The following STXBP6 variants were observed in gnomAD, a reference collection of about 807,000 sequenced individuals.
STXBP6 encodes syntaxin-binding protein 6.
In STXBP6, 21 loss-of-function variants were observed where a neutral mutation model predicts 26.9. The observed-to-expected ratio is 0.78, with a 90% CI of 0.55 to 1.12. The LOEUF (loss-of-function observed/expected upper bound fraction) is 1.12, where lower values mean the gene tolerates loss of function less well. STXBP6 is among the 50% of genes most tolerant of loss of function. The pLI, the probability that STXBP6 is intolerant of heterozygous loss-of-function variation, is 0.00. For synonymous variants in STXBP6, 97 were observed against 92.6 expected, an observed-to-expected ratio of 1.05 and a Z score of -0.27; for missense variants, 232 against 257.9, an observed-to-expected ratio of 0.90 and a Z score of 0.69.
intron 2 of STXBP6, among the ~76,000 whole-genome samples, chr14:24,884,093 TG>T (rs1244648015): frequency 2.0e-5 from 3 of 150,340 alleles, no homozygotes; most frequent in African/African-American, 4.9e-5. Flanking sequence ...AAAAAAAAGG[TG>T]GGGGGGCACA....
chr14:25,016,373 T>A (rs2075147530), intron 1 of STXBP6, among the ~76,000 whole-genome samples: 1 of 152,154 alleles, frequency 6.6e-6, no homozygotes, highest in Admixed American at 6.5e-5. Flanking sequence ...TTTGTGCTAA[T>A]CAGAAATGGT....
intron 2 of STXBP6, among the ~76,000 whole-genome samples, chr14:24,945,470 T>G (rs1026212737): frequency 1.3e-5 from 2 of 152,056 alleles, no homozygotes; most frequent in Non-Finnish European, 2.9e-5. Context: ...CTCAGGAGGC[T>G]GAGATGGGCA....
At chr14:24,897,922 C>A (rs999663254) in intron 2 of STXBP6, among the ~76,000 whole-genome samples, 7 of 152,106 alleles carry the variant, frequency 4.6e-5, no homozygotes, top group African/African-American at 1.4e-4. Flanking sequence ...GCCTCCTGGT[C>A]CCCTGAGTGT....
intron 4 of STXBP6, among the ~76,000 whole-genome samples, chr14:24,830,556 C>T (rs2068427160): frequency 6.6e-6 from 1 of 152,124 alleles, no homozygotes; most frequent in African/African-American, 2.4e-5. Context: ...GTCAGAAAAA[C>T]AAATTTTCTT....
intron 2 of STXBP6, among the ~76,000 whole-genome samples, chr14:24,971,588 T>C (rs1162385245): frequency 1.3e-5 from 2 of 152,184 alleles, no homozygotes; most frequent in Non-Finnish European, 2.9e-5. Context: ...AAAGAGGTCC[T>C]AGACTGAATA....
chr14:24,876,387 T>G (rs1595020908), intron 2 of STXBP6, among the ~76,000 whole-genome samples: 1 of 152,322 alleles, frequency 6.6e-6, no homozygotes, highest in East Asian at 1.9e-4. Context: ...AACTCCAAAC[T>G]TCCTCATCTT....
At chr14:24,985,403 C>T (rs1466137538) in intron 1 of STXBP6, among the ~76,000 whole-genome samples, 3 of 152,194 alleles carry the variant, frequency 2.0e-5, no homozygotes, top group South Asian at 2.1e-4. Flanking sequence ...TTGCAGGCTA[C>T]TTTCCAAACC....
intron 2 of STXBP6, among the ~76,000 whole-genome samples, chr14:24,889,862 A>G (rs2070730520): frequency 6.6e-6 from 1 of 152,232 alleles, no homozygotes; most frequent in Non-Finnish European, 1.5e-5. Flanking sequence ...AAATAACATA[A>G]TCTCTAAGAC....
At chr14:25,038,838 A>T (rs1268533077) in intron 1 of STXBP6, among the ~76,000 whole-genome samples, 2 of 152,310 alleles carry the variant, frequency 1.3e-5, no homozygotes, top group South Asian at 2.1e-4. Flanking sequence ...AAAGAAAAAA[A>T]AATAATGGTA....
At chr14:25,046,728 G>A (rs748340479) in intron 1 of STXBP6, among the ~76,000 whole-genome samples, 1 of 152,200 alleles carries the variant, frequency 6.6e-6, no homozygotes, top group Non-Finnish European at 1.5e-5. Flanking sequence ...CACAGTCTAG[G>A]TCATAGGAAG....
chr14:24,964,933 C>T (rs8021478), intron 2 of STXBP6, among the ~76,000 whole-genome samples: 42,917 of 152,078 alleles, frequency 0.28, 7,019 homozygotes, highest in African/African-American at 0.46. Context: ...CCAGTTCTAA[C>T]TCCCTGTGAA....
chr14:24,880,204 A>G (rs140841654), intron 2 of STXBP6, among the ~76,000 whole-genome samples: 34 of 152,336 alleles, frequency 2.2e-4, no homozygotes, highest in Non-Finnish European at 3.2e-4. Context: ...ATTGTTCACA[A>G]TATTCCCCAG....
At chr14:24,924,907 T>C (rs1301314457) in intron 2 of STXBP6, among the ~76,000 whole-genome samples, 1 of 152,220 alleles carries the variant, frequency 6.6e-6, no homozygotes, top group Non-Finnish European at 1.5e-5. Flanking sequence ...CGGAACTCCT[T>C]TGTCTTCAAA....
chr14:24,971,568 G>C (rs1481284993), intron 2 of STXBP6, among the ~76,000 whole-genome samples: 1 of 134,408 alleles, frequency 7.4e-6, no homozygotes, highest in Non-Finnish European at 1.5e-5. Flanking sequence ...TCCTATGAGA[G>C]CTGAGCTACA....
intron 2 of STXBP6, among the ~76,000 whole-genome samples, chr14:24,912,474 C>T (rs528477919): frequency 6.8e-6 from 1 of 147,032 alleles, no homozygotes; most frequent in African/African-American, 2.5e-5. Flanking sequence ...AATGCAGCAA[C>T]CAGTGTTTGC....
At chr14:25,006,435 A>G (rs572141107) in intron 1 of STXBP6, among the ~76,000 whole-genome samples, 2 of 152,332 alleles carry the variant, frequency 1.3e-5, no homozygotes, top group South Asian at 2.1e-4. Context: ...ATACATATAT[A>G]AAAAAACTAT....
At chr14:24,853,617 T>C (rs1228975926) in intron 4 of STXBP6, among the ~76,000 whole-genome samples, 1 of 152,086 alleles carries the variant, frequency 6.6e-6, no homozygotes, top group African/African-American at 2.4e-5. Context: ...AACCTCTACA[T>C]GTGACACCTG....
intron 2 of STXBP6, among the ~76,000 whole-genome samples, chr14:24,883,718 T>C (rs760455607): frequency 2.6e-5 from 4 of 152,128 alleles, no homozygotes; most frequent in Admixed American, 2.0e-4. Context: ...AATTAGTCAG[T>C]AGAGTTTCCA....
intron 2 of STXBP6, among the ~76,000 whole-genome samples, chr14:24,874,471 G>C (rs2139367339): frequency 6.6e-6 from 1 of 151,926 alleles, no homozygotes; most frequent in East Asian, 1.9e-4. Context: ...ATGCTATAGG[G>C]TCCATCCCAC....
Sources: allele counts gnomAD v4.1 joint callset (sites outside exome capture counted in the v4.1 genomes callset), GRCh38; gene constraint gnomAD v4.1.1; transcripts MANE v1.5; gene names NCBI Gene and HGNC (gene_info 2026-07-23, HGNC 2026-07-21).